The following HDAC9 variants were observed in gnomAD, a reference collection of about 807,000 sequenced individuals.
The protein encoded by HDAC9 is histone deacetylase 9.
HDAC9 carries 41 observed loss-of-function variants against 139.4 expected under a neutral mutation model. That is an observed-to-expected ratio of 0.29 (90% CI 0.23 to 0.38). The LOEUF (loss-of-function observed/expected upper bound fraction) is 0.38. Among genes scored for constraint, HDAC9 ranks in the 10% least tolerant of loss-of-function variants. The pLI is 1.00. For synonymous variants in HDAC9, 517 were observed against 476.2 expected (o/e 1.09, Z -1.12); for missense variants, 1,147 against 1,297.0 (o/e 0.88, Z 1.78).
chr7:18,677,128 C>T (rs1379089465), intron 12 of HDAC9, among the ~76,000 whole-genome samples: 1 of 151,892 alleles, frequency 6.6e-6, no homozygotes, highest in Non-Finnish European at 1.5e-5. Context: ...TATACTCAGA[C>T]TCACATCCTC....
At chr7:18,662,586 A>C (rs914133679) in intron 11 of HDAC9, among the ~76,000 whole-genome samples, 1 of 152,038 alleles carries the variant, frequency 6.6e-6, no homozygotes, top group Non-Finnish European at 1.5e-5. Flanking sequence ...GAGTGCAGAC[A>C]TTTCACTCAT....
At chr7:18,384,993 T>A (rs1785784667) in intron 1 of HDAC9, among the ~76,000 whole-genome samples, 1 of 152,148 alleles carries the variant, frequency 6.6e-6, no homozygotes, top group Admixed American at 6.5e-5. Flanking sequence ...CTGTTTCTAT[T>A]TACCTTTTGC....
At chr7:18,368,444 G>T (rs1237879393) in intron 1 of HDAC9, among the ~76,000 whole-genome samples, 1 of 151,582 alleles carries the variant, frequency 6.6e-6, no homozygotes, top group Non-Finnish European at 1.5e-5. Context: ...TATCAAACAT[G>T]CTGTTTCTGT....
chr7:18,732,446 G>A (rs553964816), intron 13 of HDAC9, among the ~76,000 whole-genome samples: 21 of 125,422 alleles, frequency 1.7e-4, no homozygotes. Flanking sequence ...CTATCTGAAA[G>A]TATGTGTGTA....
At chr7:18,280,553 A>G (rs1328648602) in intron 2 of HDAC9, among the ~76,000 whole-genome samples, 1 of 151,140 alleles carries the variant, frequency 6.6e-6, no homozygotes, top group African/African-American at 2.4e-5. Flanking sequence ...GCTCCATTGC[A>G]CTCCAGCCTG....
At chr7:18,541,533 A>G (rs1182694640) in intron 2 of HDAC9, among the ~76,000 whole-genome samples, 1 of 152,040 alleles carries the variant, frequency 6.6e-6, no homozygotes, top group Non-Finnish European at 1.5e-5. Flanking sequence ...GGAATTTCCT[A>G]ATGTCTAAAA....
chr7:18,089,296 A>G (rs1781998382), intron 1 of HDAC9, among the ~76,000 whole-genome samples: 1 of 152,058 alleles, frequency 6.6e-6, no homozygotes, highest in South Asian at 2.1e-4. Context: ...TCAGACCAGC[A>G]CTCTGACTAG....
chr7:18,271,557 T>G (rs774602270), intron 2 of HDAC9, among the ~76,000 whole-genome samples: 1 of 152,194 alleles, frequency 6.6e-6, no homozygotes, highest in Admixed American at 6.5e-5. Flanking sequence ...TAGACTAACT[T>G]TGAATCTTAG....
chr7:18,895,668 G>T (rs558687563), intron 22 of HDAC9, among the ~76,000 whole-genome samples: 8 of 152,186 alleles, frequency 5.3e-5, no homozygotes, highest in Non-Finnish European at 1.0e-4. Flanking sequence ...GATACTTTCA[G>T]TTAATGCTGA....
intron 1 of HDAC9, among the ~76,000 whole-genome samples, chr7:18,291,014 A>G (rs1380109051): frequency 6.6e-6 from 1 of 152,168 alleles, no homozygotes; most frequent in Non-Finnish European, 1.5e-5. Flanking sequence ...GAGATTTCCC[A>G]TGCATCTATC....
intron 1 of HDAC9, among the ~76,000 whole-genome samples, chr7:18,388,634 T>C (rs1786171197): frequency 1.3e-5 from 2 of 152,198 alleles, no homozygotes; most frequent in South Asian, 4.1e-4. Context: ...ATGTAGTTCC[T>C]AACTCTGCTC....
chr7:18,432,178 A>G (rs2128763958), intron 1 of HDAC9, among the ~76,000 whole-genome samples: 1 of 152,250 alleles, frequency 6.6e-6, no homozygotes. Context: ...CTATCCATCT[A>G]TCCACTCAAC....
At chr7:18,156,329 C>G (rs1185269436) in intron 1 of HDAC9, among the ~76,000 whole-genome samples, 1 of 152,188 alleles carries the variant, frequency 6.6e-6, no homozygotes, top group Non-Finnish European at 1.5e-5. Context: ...TGGGCAAGGT[C>G]TGGGGATGTC....
intron 2 of HDAC9, among the ~76,000 whole-genome samples, chr7:18,222,773 G>A (rs1792793928): frequency 6.6e-6 from 1 of 152,034 alleles, no homozygotes. Flanking sequence ...CTTCAGTAAT[G>A]ACAGTTCTGT....
At chr7:18,303,962 A>G (rs1423761258) in intron 1 of HDAC9, among the ~76,000 whole-genome samples, 1 of 152,190 alleles carries the variant, frequency 6.6e-6, no homozygotes, top group African/African-American at 2.4e-5. Context: ...CACAAGAAAG[A>G]AACTTCTCTG....
chr7:18,366,390 G>A, intron 1 of HDAC9, among the ~76,000 whole-genome samples: 1 of 152,138 alleles, frequency 6.6e-6, no homozygotes, highest in East Asian at 1.9e-4. Context: ...GATCATGGCA[G>A]TTGGCCCAGG....
chr7:18,548,466 A>G (rs549237624), intron 2 of HDAC9, among the ~76,000 whole-genome samples: 1 of 152,330 alleles, frequency 6.6e-6, no homozygotes, highest in East Asian at 1.9e-4. Flanking sequence ...AAGAGGAAAA[A>G]TATCTACAAA....
At chr7:18,572,752 A>G (rs997588172) in intron 2 of HDAC9, among the ~76,000 whole-genome samples, 2 of 152,280 alleles carry the variant, frequency 1.3e-5, no homozygotes, top group Admixed American at 1.3e-4. Context: ...CTTAGCTTCT[A>G]TTACCTTGGA....
At chr7:18,725,030 C>G (rs372738458) in intron 12 of HDAC9, among the ~76,000 whole-genome samples, 1 of 152,046 alleles carries the variant, frequency 6.6e-6, no homozygotes, top group Admixed American at 6.6e-5. Flanking sequence ...AGCTTCATAG[C>G]CACACATAGA....
Sources: gnomAD v4.1 joint callset for allele counts (sites outside exome capture counted in the v4.1 genomes callset) on GRCh38, gnomAD v4.1.1 for gene constraint, MANE v1.5 for transcripts, NCBI Gene and HGNC (gene_info 2026-07-23, HGNC 2026-07-21) for gene names.